The following CLIP1 variants were observed in gnomAD, a reference collection of about 807,000 sequenced individuals.
CLIP1 encodes CAP-Gly domain containing linker protein 1.
A neutral mutation model predicts 161.6 loss-of-function variants in CLIP1; 66 were observed. The observed-to-expected ratio is 0.41, with a 90% CI of 0.33 to 0.50. CLIP1 has a LOEUF of 0.50. CLIP1 is among the 20% of genes least tolerant of loss of function. CLIP1 has a pLI of 0.27. For synonymous variants in CLIP1, 598 were observed against 626.2 expected (o/e 0.96, Z 0.67); for missense variants, 1,376 against 1,702.0 (o/e 0.81, Z 3.37).
intron 23 of CLIP1, 90 bp downstream of exon 23, chr12:122,278,702 G>T: frequency 7.4e-7 from 1 of 1,348,888 alleles, no homozygotes; most frequent in Non-Finnish European, 1.0e-6. Flanking sequence ...AGGGCAGCAT[G>T]AGAGCTGTCT....
At position 122,328,393 on chromosome 12, in the gene CLIP1, CT is replaced by C; in HGVS notation, c.2900del (p.Lys967ArgfsTer16). 2 of 1,609,706 alleles carry C rather than the reference CT, an allele frequency of 1.2e-6. No homozygotes were observed. Among genetic ancestry groups the C allele is most frequent in the Middle Eastern group, 1.7e-4 (1 of 6,054 alleles). ...DVEELQLKLT[K>X]ANENASFLQK... ...GCAGAAAACTTGCATTTTCATTAGCCTTTGTAAGTTTTAGCTGTAATTCTTC... is the reference window on the plus strand; with the variant it reads ...GCAGAAAACTTGCATTTTCATTAGCCTTGTAAGTTTTAGCTGTAATTCTTC... On this transcript the variant is annotated frameshift_variant, in exon 16 of 26. Transcript: ENST00000620786. LOFTEE classifies it high-confidence loss of function.
intron 20 of CLIP1, among the ~76,000 whole-genome samples, chr12:122,305,487 T>G (rs906765009): frequency 3.3e-5 from 5 of 152,166 alleles, no homozygotes; most frequent in African/African-American, 1.2e-4. Flanking sequence ...TATATGACCT[T>G]GCCTGAATTT....
intron 20 of CLIP1, among the ~76,000 whole-genome samples, chr12:122,292,645 C>T (rs1950293918): frequency 6.6e-6 from 1 of 152,140 alleles, no homozygotes; most frequent in African/African-American, 2.4e-5. Flanking sequence ...TTTGTTACTT[C>T]TAAGCCCTGT....
chr12:122,373,072 C>T (rs542428998), intron 3 of CLIP1, among the ~76,000 whole-genome samples: 29 of 152,204 alleles, frequency 1.9e-4, no homozygotes, highest in Middle Eastern at 3.4e-3. Context: ...AACTCACTCA[C>T]GTAAGCAAAC....
At chr12:122,365,975 C>T (rs1954143019) in intron 3 of CLIP1, among the ~76,000 whole-genome samples, 1 of 152,034 alleles carries the variant, frequency 6.6e-6, no homozygotes, top group Admixed American at 6.5e-5. Context: ...TACCACTGCA[C>T]TCCAGCCTGG....
intron 24 of CLIP1, chr12:122,276,810 T>A: frequency 5.1e-6 from 1 of 194,516 alleles, no homozygotes; most frequent in East Asian, 1.5e-4. Context: ...TTTACAAATT[T>A]TTGTTTGTTT....
chr12:122,286,704 A>C (rs1385426057), intron 21 of CLIP1, among the ~76,000 whole-genome samples: 1 of 151,740 alleles, frequency 6.6e-6, no homozygotes, highest in Non-Finnish European at 1.5e-5. Context: ...TCACTATAAA[A>C]AAAAATTTTT....
intron 10 of CLIP1, among the ~76,000 whole-genome samples, chr12:122,344,475 G>A (rs1662213995): frequency 6.6e-6 from 1 of 151,790 alleles, no homozygotes; most frequent in Admixed American, 6.6e-5. Flanking sequence ...AAACCCCATT[G>A]CTGCAAGGTC....
intron 7 of CLIP1, among the ~76,000 whole-genome samples, chr12:122,354,037 C>T (rs537720323): frequency 9.2e-5 from 14 of 152,218 alleles, no homozygotes; most frequent in Admixed American, 8.5e-4. Flanking sequence ...ATAGTCATTC[C>T]TTTGGTTCTA....
At chr12:122,412,023 G>A (rs1593271253) in intron 1 of CLIP1, among the ~76,000 whole-genome samples, 1 of 144,994 alleles carries the variant, frequency 6.9e-6, no homozygotes. Flanking sequence ...GGTGTACTTA[G>A]CAGTTTTCCT....
chr12:122,282,557 C>T (rs1955687996), intron 21 of CLIP1, among the ~76,000 whole-genome samples: 1 of 151,946 alleles, frequency 6.6e-6, no homozygotes, highest in Non-Finnish European at 1.5e-5. Flanking sequence ...ATAACAAGAA[C>T]CAAATATTAG....
Position 122,293,827 on chromosome 12 carries a change from CAG to C in CLIP1, c.3595-5288_3595-5287del, listed in dbSNP as rs1302650753. Among the ~76,000 whole-genome samples the C allele has an allele frequency of 1.3e-4, 17 of 129,504 alleles. No homozygotes were observed. The South Asian group carries it at 3.8e-3, about 29-fold the overall frequency. 85.0% of individuals were successfully genotyped at this position (129,504 alleles called of 152,430 possible). A position where few individuals can be genotyped will look rare whatever the true frequency, so the allele number is the denominator to read the frequency against. On this transcript the variant is annotated intron_variant, in intron 20 of 25. Transcript: ENST00000620786. ...TTTTGTTTTTTGTTTTTTTTTGAGA[CAG>C]AGTCTTGCTCTGTTGCCCAGGCTGG... is the stretch of plus-strand genomic sequence containing the variant.
intron 20 of CLIP1, among the ~76,000 whole-genome samples, chr12:122,292,653 T>C (rs1278940327): frequency 6.6e-6 from 1 of 152,206 alleles, no homozygotes; most frequent in Non-Finnish European, 1.5e-5. Context: ...TTCTAAGCCC[T>C]GTCAGTGGAG....
chr12:122,299,707 G>A (rs953743278), intron 20 of CLIP1, among the ~76,000 whole-genome samples: 8 of 147,088 alleles, frequency 5.4e-5, no homozygotes, highest in South Asian at 4.4e-4. Flanking sequence ...ATGAGGTCAG[G>A]AGATCGAGAC....
intron 1 of CLIP1, among the ~76,000 whole-genome samples, chr12:122,408,584 G>A (rs1004172927): frequency 6.6e-6 from 1 of 151,922 alleles, no homozygotes; most frequent in Non-Finnish European, 1.5e-5. Flanking sequence ...TCCTGACCTC[G>A]TGATCCACCC....
At chr12:122,352,670 C>T in intron 8 of CLIP1, 56 bp downstream of exon 8, 1 of 1,428,738 alleles carries the variant, frequency 7.0e-7, no homozygotes, top group Non-Finnish European at 9.9e-7. Context: ...ATTATTTCGC[C>T]CGTGTTCTGA....
At chr12:122,408,229 CAAA>C (rs1259000241) in intron 1 of CLIP1, among the ~76,000 whole-genome samples, 2 of 57,436 alleles carry the variant, frequency 3.5e-5, no homozygotes, top group Non-Finnish European at 7.4e-5. Context: ...TACTCCGTCT[CAAA>C]AAAAAAAAAA....
chr12:122,409,901 T>C (rs1195272721), intron 1 of CLIP1, among the ~76,000 whole-genome samples: 7 of 150,454 alleles, frequency 4.7e-5, no homozygotes, highest in Non-Finnish European at 8.9e-5. Context: ...GACTGAGTCT[T>C]GCTCTGTCAC....
intron 17 of CLIP1, among the ~76,000 whole-genome samples, chr12:122,324,972 T>C (rs1814290566): frequency 6.6e-6 from 1 of 152,122 alleles, no homozygotes; most frequent in Non-Finnish European, 1.5e-5. Context: ...GGAATAGTTT[T>C]TTTTTTTTAT....
Sources: gnomAD v4.1 joint callset for allele counts (sites outside exome capture counted in the v4.1 genomes callset) on GRCh38, gnomAD v4.1.1 for gene constraint, MANE v1.5 for transcripts, NCBI Gene and HGNC (gene_info 2026-07-23, HGNC 2026-07-21) for gene names.